CNTNAP2: variants seen among roughly 807,000 people sequenced by gnomAD.
The protein encoded by CNTNAP2 is contactin-associated protein-like 2.
A neutral mutation model predicts 155.2 loss-of-function variants in CNTNAP2; 98 were observed. The ratio of observed to expected loss-of-function variants is 0.63; its 90% CI spans 0.54 to 0.75. CNTNAP2 has a LOEUF of 0.75. Among genes scored for constraint, CNTNAP2 ranks in the 30% least tolerant of loss-of-function variants. The pLI is 0.00. For synonymous variants in CNTNAP2, 651 were observed against 631.2 expected, an observed-to-expected ratio of 1.03 and a Z score of -0.47; for missense variants, 1,727 against 1,688.1, an observed-to-expected ratio of 1.02 and a Z score of -0.40.
intron 1 of CNTNAP2, among the ~76,000 whole-genome samples, chr7:146,248,574 G>A (rs751448153): frequency 3.5e-4 from 53 of 152,154 alleles, no homozygotes; most frequent in Non-Finnish European, 3.4e-4. Flanking sequence ...TTAAAAGAAG[G>A]GAGAGATTGA....
At chr7:147,957,216 A>T (rs1354716868) in intron 14 of CNTNAP2, among the ~76,000 whole-genome samples, 1 of 152,198 alleles carries the variant, frequency 6.6e-6, no homozygotes, top group Non-Finnish European at 1.5e-5. Context: ...AGAGAATGAG[A>T]TGTAAACTCT....
intron 21 of CNTNAP2, among the ~76,000 whole-genome samples, chr7:148,340,990 T>G (rs1414525562): frequency 1.3e-5 from 2 of 152,370 alleles, no homozygotes; most frequent in East Asian, 3.9e-4. Flanking sequence ...AGCCTTTGTT[T>G]CTTCTGAACG....
chr7:148,215,103 C>G (rs1424140798), intron 18 of CNTNAP2, among the ~76,000 whole-genome samples: 1 of 152,018 alleles, frequency 6.6e-6, no homozygotes, highest in South Asian at 2.1e-4. Context: ...CAATGGACTC[C>G]GTAACAGTGC....
intron 13 of CNTNAP2, among the ~76,000 whole-genome samples, chr7:147,809,979 G>C (rs1406475959): frequency 3.3e-5 from 5 of 152,080 alleles, no homozygotes; most frequent in Non-Finnish European, 7.4e-5. Context: ...CTTTGTTTTG[G>C]GTAGACATTT....
chr7:148,304,621 T>C (rs1585257120), intron 21 of CNTNAP2, among the ~76,000 whole-genome samples: 1 of 152,178 alleles, frequency 6.6e-6, no homozygotes, highest in African/African-American at 2.4e-5. Flanking sequence ...AATGAGTGGG[T>C]GTAGCTGGGT....
At chr7:148,343,824 C>T (rs541633809) in intron 21 of CNTNAP2, among the ~76,000 whole-genome samples, 1 of 152,260 alleles carries the variant, frequency 6.6e-6, no homozygotes, top group Non-Finnish European at 1.5e-5. Flanking sequence ...AACATGAGTT[C>T]CCCGGAATCA....
At chr7:146,435,387 AATAT>A (rs1277166541) in intron 1 of CNTNAP2, among the ~76,000 whole-genome samples, 8 of 152,170 alleles carry the variant, frequency 5.3e-5, no homozygotes, top group African/African-American at 1.9e-4. Flanking sequence ...AACTGTGCCC[AATAT>A]TTTGAGTTTC....
intron 3 of CNTNAP2, among the ~76,000 whole-genome samples, chr7:146,981,058 G>A (rs1243793384): frequency 1.3e-5 from 2 of 152,130 alleles, no homozygotes; most frequent in African/African-American, 4.8e-5. Context: ...GTTGGTAGAA[G>A]CAGCTATTTC....
At chr7:147,492,696 C>G (rs1798629982) in intron 11 of CNTNAP2, among the ~76,000 whole-genome samples, 1 of 152,118 alleles carries the variant, frequency 6.6e-6, no homozygotes, top group African/African-American at 2.4e-5. Flanking sequence ...TGTCTCCATA[C>G]TTTATAAATT....
intron 13 of CNTNAP2, among the ~76,000 whole-genome samples, chr7:147,762,658 A>C (rs1165913227): frequency 2.8e-5 from 4 of 144,478 alleles, no homozygotes; most frequent in African/African-American, 7.5e-5. Flanking sequence ...AATAGTATTT[A>C]TGATATTAAG....
chr7:147,634,810 T>C (rs1795149723), intron 12 of CNTNAP2, among the ~76,000 whole-genome samples: 1 of 152,126 alleles, frequency 6.6e-6, no homozygotes, highest in Non-Finnish European at 1.5e-5. Flanking sequence ...CAGTTGCTTG[T>C]TTTCCTTTGA....
chr7:147,711,757 A>G (rs1796403564), intron 13 of CNTNAP2, among the ~76,000 whole-genome samples: 1 of 152,226 alleles, frequency 6.6e-6, no homozygotes, highest in Non-Finnish European at 1.5e-5. Context: ...TAAGACAATC[A>G]GCTAAGATGT....
chr7:146,277,820 G>A (rs1206547429), intron 1 of CNTNAP2, among the ~76,000 whole-genome samples: 1 of 152,112 alleles, frequency 6.6e-6, no homozygotes, highest in East Asian at 1.9e-4. Context: ...TTCATGAAAA[G>A]CTTCCTGGAT....
chr7:147,049,616 C>T (rs1461147961), intron 4 of CNTNAP2, among the ~76,000 whole-genome samples: 6 of 152,108 alleles, frequency 3.9e-5, no homozygotes, highest in African/African-American at 1.2e-4. Context: ...AGGGTCTCAG[C>T]AAGGAGAAAC....
chr7:147,223,028 G>A (rs763248459), intron 8 of CNTNAP2, among the ~76,000 whole-genome samples: 3 of 152,092 alleles, frequency 2.0e-5, no homozygotes, highest in Non-Finnish European at 2.9e-5. Context: ...TTTCCTGCTA[G>A]AAGGACAAAA....
At chr7:147,768,913 A>T (rs1356622608) in intron 13 of CNTNAP2, among the ~76,000 whole-genome samples, 2 of 152,158 alleles carry the variant, frequency 1.3e-5, no homozygotes. Context: ...AAAAACACAG[A>T]TGTAAAATTC....
At chr7:147,687,794 T>G (rs1796035282) in intron 13 of CNTNAP2, among the ~76,000 whole-genome samples, 2 of 152,114 alleles carry the variant, frequency 1.3e-5, no homozygotes, top group Non-Finnish European at 2.9e-5. Context: ...ATCAGTACAC[T>G]GTAAGTTCTA....
chr7:147,702,742 C>T (rs950535300), intron 13 of CNTNAP2, among the ~76,000 whole-genome samples: 6 of 152,062 alleles, frequency 3.9e-5, no homozygotes, highest in Non-Finnish European at 5.9e-5. Context: ...AGGCTGACTT[C>T]ATGAACATGT....
At chr7:148,328,668 T>G (rs1032223604) in intron 21 of CNTNAP2, among the ~76,000 whole-genome samples, 3 of 151,948 alleles carry the variant, frequency 2.0e-5, no homozygotes, top group Non-Finnish European at 2.9e-5. Context: ...AGGGTCATTC[T>G]CCCTAGAAAG....
Sources: allele counts gnomAD v4.1 joint callset (sites outside exome capture counted in the v4.1 genomes callset), GRCh38; gene constraint gnomAD v4.1.1; transcripts MANE v1.5; gene names NCBI Gene and HGNC (gene_info 2026-07-23, HGNC 2026-07-21).